The following TNFSF8 variants were observed in gnomAD, a reference collection of about 807,000 sequenced individuals.
TNFSF8 encodes the protein TNF superfamily member 8, also known as tumor necrosis factor ligand superfamily member 8.
In TNFSF8, 4 loss-of-function variants were observed where a neutral mutation model predicts 22.0. The ratio of observed to expected loss-of-function variants is 0.18; its 90% CI spans 0.09 to 0.42. TNFSF8 has a LOEUF of 0.42. Ranked by LOEUF, TNFSF8 falls within the 10% of genes least tolerant of loss-of-function variation. TNFSF8 has a pLI of 1.00. For missense variants in TNFSF8, 233 were observed against 281.8 expected, an observed-to-expected ratio of 0.83 and a Z score of 1.24; for synonymous variants, 106 against 112.5, an observed-to-expected ratio of 0.94 and a Z score of 0.37.
At position 114,901,206 on chromosome 9, in the gene TNFSF8, A is replaced by G. The variant is rs1334484554; in HGVS notation, c.*2725T>C. The G allele has an allele frequency of 2.5e-5, 25 of 985,292 alleles. No homozygotes were observed. The highest frequency in any genetic ancestry group is 3.0e-5 in the Non-Finnish European group (25 of 829,928). 61.0% of individuals were successfully genotyped at this position (985,292 alleles called of 1,614,324 possible). A position where few individuals can be genotyped will look rare whatever the true frequency, so the allele number is the denominator to read the frequency against. On this transcript the variant is annotated 3_prime_UTR_variant, in exon 4 of 4. Transcript: ENST00000223795. ...GATATCATTTTACTCATGGAGTATC[A>G]TTTGCTCATAACATTCCCAGGGGCT...
chr9:114,893,953 C>A (rs1397523829), exon 5 of TNFSF8: 2 of 741,684 alleles, frequency 2.7e-6, no homozygotes, highest in East Asian at 2.7e-5. Context: ...GGGGGGTGAA[C>A]CGTTTCCTGG....
chr9:114,922,045 T>A (rs1203815437), intron 1 of TNFSF8, among the ~76,000 whole-genome samples: 1 of 151,526 alleles, frequency 6.6e-6, no homozygotes, highest in Non-Finnish European at 1.5e-5. Context: ...TAATCAGTGG[T>A]TAGATGGCTA....
chr9:114,927,266 T>C (rs1828075320), intron 1 of TNFSF8, among the ~76,000 whole-genome samples: 1 of 152,032 alleles, frequency 6.6e-6, no homozygotes, highest in Admixed American at 6.6e-5. Context: ...TTGTTGTTTT[T>C]TTTCAAGGCT....
At chr9:114,921,640 A>C (rs139990624) in intron 1 of TNFSF8, among the ~76,000 whole-genome samples, 1 of 152,312 alleles carries the variant, frequency 6.6e-6, no homozygotes, top group Non-Finnish European at 1.5e-5. Flanking sequence ...CTTTGGCAAG[A>C]TGTCCCCCAG....
chr9:114,897,986 G>T (rs1827674163), downstream of TNFSF8, among the ~76,000 whole-genome samples: 1 of 148,632 alleles, frequency 6.7e-6, no homozygotes. Context: ...CTTATATAAA[G>T]AATGGGGATA....
At chr9:114,894,232 G>C in intron 4 of TNFSF8, 1 of 1,365,038 alleles carries the variant, frequency 7.3e-7, no homozygotes, top group East Asian at 2.5e-5. Context: ...TGACGTTGTT[G>C]TTACTCAGAA....
Position 114,930,262 on chromosome 9 carries a change from A to T in TNFSF8, c.42T>A (p.Pro14=), listed in dbSNP as rs201833505. ...GLQQALNGMA[P]PGDTAMHVPA... is the part of the protein sequence containing the mutation. ...GCACATGCATGGCTGTGTCTCCAGG[A>T]GGGGCCATTCCGTTGAGTGCTTGCT... The change falls in exon 1 of 4, where the codon CCT becomes CCA. Residue 14 remains proline (P), a synonymous_variant. Coordinates refer to ENST00000223795, the MANE Select transcript of TNFSF8 (RefSeq NM_001244.4). The T allele has an allele frequency of 4.4e-6, 7 of 1,602,558 alleles. 1 individual carries two copies. In the Admixed American group the frequency reaches 6.9e-5, roughly 16 times the overall value.
chr9:114,893,981 C>A, exon 5 of TNFSF8: 1 of 999,198 alleles, frequency 1.0e-6, no homozygotes, highest in Non-Finnish European at 1.5e-6. Flanking sequence ...GGTTTAGGCC[C>A]AGAGTGACTG....
downstream of TNFSF8, among the ~76,000 whole-genome samples, chr9:114,900,407 C>T (rs777940264): frequency 3.9e-5 from 6 of 152,332 alleles, no homozygotes; most frequent in East Asian, 1.9e-4. Context: ...CAGACACTTG[C>T]GAAGTCCTCG....
Position 114,901,180 on chromosome 9 carries a change from A to G in TNFSF8, c.*2751T>C. The G allele has an allele frequency of 1.0e-6, 1 of 985,340 alleles. No individual in the cohort carries two copies. Among genetic ancestry groups the G allele is most frequent in the Non-Finnish European group, 1.2e-6 (1 of 829,860 alleles). 61.0% of individuals were successfully genotyped at this position (985,340 alleles called of 1,614,324 possible). On this transcript the variant is annotated 3_prime_UTR_variant, in exon 4 of 4. Transcript: ENST00000223795. ...GATAAATTATTTATTTTACTTGCAT[A>G]GATATCATTTTACTCATGGAGTATC... is the stretch of plus-strand genomic sequence containing the variant.
intron 1 of TNFSF8, among the ~76,000 whole-genome samples, chr9:114,925,788 A>T (rs1012451134): frequency 6.6e-6 from 1 of 152,126 alleles, no homozygotes; most frequent in Non-Finnish European, 1.5e-5. Context: ...CTATACTCCA[A>T]CCTTTTGGAA....
At chr9:114,906,293 A>G (rs1587932526) in intron 2 of TNFSF8, among the ~76,000 whole-genome samples, 1 of 152,358 alleles carries the variant, frequency 6.6e-6, no homozygotes, top group East Asian at 1.9e-4. Flanking sequence ...GGGGCCACGC[A>G]GGTGAAATAC....
At chr9:114,929,037 G>T (rs1437546865) in intron 1 of TNFSF8, among the ~76,000 whole-genome samples, 1 of 152,106 alleles carries the variant, frequency 6.6e-6, no homozygotes, top group Non-Finnish European at 1.5e-5. Flanking sequence ...AGGTCATGTG[G>T]GTGGGTGCAG....
chr9:114,917,660 G>A (rs1421284274), intron 2 of TNFSF8, among the ~76,000 whole-genome samples: 1 of 152,188 alleles, frequency 6.6e-6, no homozygotes, highest in Non-Finnish European at 1.5e-5. Flanking sequence ...GCCATGCCAA[G>A]CAATTTACAG....
At chr9:114,896,188 T>G (rs1398132020), downstream of TNFSF8, among the ~76,000 whole-genome samples, 1 of 152,238 alleles carries the variant, frequency 6.6e-6, no homozygotes, top group African/African-American at 2.4e-5. Context: ...AAGGTGCACC[T>G]GAATCTCTTG....
chr9:114,906,524 C>A (rs543982825), intron 2 of TNFSF8, among the ~76,000 whole-genome samples: 19 of 152,154 alleles, frequency 1.2e-4, no homozygotes, highest in Non-Finnish European at 2.8e-4. Flanking sequence ...TGTGTAAATG[C>A]TGGAATTGCC....
intron 1 of TNFSF8, among the ~76,000 whole-genome samples, chr9:114,927,764 G>A (rs1279569619): frequency 2.6e-5 from 4 of 152,148 alleles, no homozygotes; most frequent in Non-Finnish European, 5.9e-5. Context: ...CACATACAGA[G>A]TGCTAATTGA....
At position 114,902,531 on chromosome 9, in the gene TNFSF8, A is replaced by G; in HGVS notation, c.*1400T>C. The G allele has an allele frequency of 1.0e-6, 1 of 985,420 alleles. No homozygotes were observed. Among genetic ancestry groups the G allele is most frequent in the Non-Finnish European group, 1.2e-6 (1 of 829,916 alleles). The allele number at this position is 985,420 out of a possible 1,614,324, so 61.0% of individuals were successfully genotyped here. ...ACCCAGATGGTCTCTTAGATTCTGG[A>G]TGGTCAGTGTGGTAGTTCTTTCCAT... On this transcript the variant is annotated 3_prime_UTR_variant, in exon 4 of 4. Coordinates refer to ENST00000223795, the MANE Select transcript of TNFSF8 (RefSeq NM_001244.4).
intron 1 of TNFSF8, among the ~76,000 whole-genome samples, chr9:114,922,257 C>A (rs1278134427): frequency 6.6e-6 from 1 of 152,168 alleles, no homozygotes; most frequent in Non-Finnish European, 1.5e-5. Flanking sequence ...GCTTTGGACA[C>A]AAAATGCCCC....
Sources: gnomAD v4.1 joint callset for allele counts (sites outside exome capture counted in the v4.1 genomes callset) on GRCh38, gnomAD v4.1.1 for gene constraint, MANE v1.5 for transcripts, NCBI Gene and HGNC (gene_info 2026-07-23, HGNC 2026-07-21) for gene names.